The following CDK5RAP3 variants were observed in gnomAD, a reference collection of about 807,000 sequenced individuals.
The protein encoded by CDK5RAP3 is CDK5 regulatory subunit-associated protein 3.
CDK5RAP3 carries 58 observed loss-of-function variants against 73.3 expected under a neutral mutation model. The observed-to-expected ratio is 0.79, with a 90% CI of 0.64 to 0.98. The LOEUF (loss-of-function observed/expected upper bound fraction) is 0.98, where lower values mean the gene tolerates loss of function less well. CDK5RAP3 is among the 50% of genes least tolerant of loss of function. The probability of loss-of-function intolerance (pLI) is 0.00; values close to 1 mark genes in which losing one functional copy is unlikely to be tolerated. For synonymous variants in CDK5RAP3, 224 were observed against 247.5 expected (o/e 0.91, Z 0.89); for missense variants, 525 against 615.8 (o/e 0.85, Z 1.56).
Position 47,980,783 on chromosome 17 carries a change from T to G in CDK5RAP3, c.1268T>G (p.Ile423Ser), listed in dbSNP as rs751914533. ...CTTCAGCTGCAACACCTGTTTATGATCCTGGCCTCACCAAGGTCTGGCTTC... is the reference window on the plus strand; with the variant it reads ...CTTCAGCTGCAACACCTGTTTATGAGCCTGGCCTCACCAAGGTCTGGCTTC... ...TSLQLQHLFM[I>S]LASPRYVDRV... The change falls in exon 12 of 14, where the codon ATC (isoleucine) becomes AGC (serine). Residue 423 changes from isoleucine to serine, a missense_variant. By Grantham distance (142) the Ile-to-Ser change is moderately radical. Around this residue, in one of 2 missense-constraint regions of CDK5RAP3, gnomAD observed 116 missense variants for 186.1 expected, o/e 0.62. Transcript: ENST00000338399. 3 of 1,614,218 alleles carry G rather than the reference T, an allele frequency of 1.9e-6. No individual in the cohort carries two copies. The highest frequency in any genetic ancestry group is 2.5e-6 in the Non-Finnish European group (3 of 1,180,046).
chr17:47,975,808 A>G, intron 7 of CDK5RAP3, 61 bp from the exon 8 acceptor site: 2 of 1,608,962 alleles, frequency 1.2e-6, no homozygotes, highest in Non-Finnish European at 8.5e-7. Flanking sequence ...GGCCCAGGCC[A>G]AAGCCCAGTG....
intron 1 of CDK5RAP3, 82 bp downstream of exon 1, chr17:47,971,234 C>A (rs1255165621): frequency 6.5e-7 from 1 of 1,530,254 alleles, no homozygotes; most frequent in Non-Finnish European, 8.8e-7. Flanking sequence ...GGAAGCGGCT[C>A]AACCCAGCCC....
chr17:47,973,732 C>T, intron 3 of CDK5RAP3, 82 bp downstream of exon 3: 1 of 1,559,862 alleles, frequency 6.4e-7, no homozygotes. Flanking sequence ...TGTTATTTAG[C>T]CACCAGGGCT....
At chr17:47,972,932 T>A (rs2036303673) in intron 2 of CDK5RAP3, among the ~76,000 whole-genome samples, 1 of 152,188 alleles carries the variant, frequency 6.6e-6, no homozygotes, top group Admixed American at 6.5e-5. Context: ...TGAGGAAATA[T>A]GCATGGCTCT....
In CDK5RAP3 at chr17:47,976,694, C is replaced by T. The variant is rs1567725390; in HGVS notation, c.799-18C>T. On this transcript the variant is annotated intron_variant, in intron 8 of 13. Transcript: ENST00000338399. ...TAAATCCATCTTCCATGAGCTAACA[C>T]TCTCTTTCCCTTTCCAGATTGACTG... The T allele has an allele frequency of 1.9e-6, 3 of 1,552,080 alleles. No individual in the cohort carries two copies. The highest frequency in any genetic ancestry group is 2.7e-6 in the Non-Finnish European group (3 of 1,125,638).
rs1567728857 is a variant in CDK5RAP3 at position 47,981,688 on chromosome 17, A to G, written c.*186A>G. 6.5e-7 allele frequency: 1 copy of G among 1,536,034 alleles called. No individual in the cohort carries two copies. The highest frequency in any genetic ancestry group is 2.5e-5 in the East Asian group (1 of 40,814). On this transcript the variant is annotated 3_prime_UTR_variant, in exon 14 of 14. Coordinates refer to ENST00000338399, the MANE Select transcript of CDK5RAP3 (RefSeq NM_176096.3). ...ATGTTCTCTACAAGAAGCTGTGGTG[A>G]TTGGCCCTGTGGTCTATCAGGCGAA...
upstream of CDK5RAP3, among the ~76,000 whole-genome samples, chr17:47,969,834 A>G (rs2144204290): frequency 6.6e-6 from 1 of 152,210 alleles, no homozygotes; most frequent in East Asian, 1.9e-4. Flanking sequence ...GCATTGCCAG[A>G]CTAGGTTCAA....
At chr17:47,975,678 G>A (rs1274078044) in intron 7 of CDK5RAP3, 25 bp downstream of exon 7, 2 of 1,580,388 alleles carry the variant, frequency 1.3e-6, no homozygotes, top group Non-Finnish European at 1.7e-6. Flanking sequence ...GCTTCTCCTG[G>A]TGGGGGTGCT....
In CDK5RAP3 at chr17:47,975,266, G is replaced by A. The variant is rs779758702; in HGVS notation, c.442G>A (p.Glu148Lys). 2 of 1,614,192 alleles carry A rather than the reference G, an allele frequency of 1.2e-6. No individual in the cohort carries two copies. The highest frequency in any genetic ancestry group is 1.7e-6 in the Non-Finnish European group (2 of 1,180,034). The change falls in exon 6 of 14, where the codon GAG becomes AAG. Residue 148 changes from glutamate to lysine, a missense_variant. By Grantham distance (56) the Glu-to-Lys change is moderately conservative (BLOSUM62 1). Coordinates refer to ENST00000338399, the MANE Select transcript of CDK5RAP3 (RefSeq NM_176096.3). ...GCAGCAAGAATACAGCCGCAAGGAG[G>A]AGGAGTGCCAGGCAGGGGCTGCCGA... is the stretch of plus-strand genomic sequence containing the variant. ...QLQQEYSRKE[E>K]ECQAGAAEMR... is the part of the protein sequence containing the mutation.
chr17:47,974,842 GTGTT>G, intron 5 of CDK5RAP3: 2 of 1,296,764 alleles, frequency 1.5e-6, no homozygotes, highest in South Asian at 3.1e-5. Flanking sequence ...AGGACTAACT[GTGTT>G]TGGGTTGGGT....
chr17:47,980,408 A>G (rs141333310), intron 11 of CDK5RAP3, 185 bp from the exon 12 acceptor site: 23 of 631,392 alleles, frequency 3.6e-5, no homozygotes, highest in Middle Eastern at 4.5e-4. Context: ...AGCTGGGACT[A>G]CAGGCATACA....
At chr17:47,979,174 C>A in intron 11 of CDK5RAP3, 1 of 426,662 alleles carries the variant, frequency 2.3e-6, no homozygotes, top group Non-Finnish European at 4.2e-6. Flanking sequence ...CCTCATGGAG[C>A]TTATATTCTA....
At chr17:47,971,249 CTCTGGCCCCGT>C in intron 1 of CDK5RAP3, 97 bp downstream of exon 1, 1 of 1,536,574 alleles carries the variant, frequency 6.5e-7, no homozygotes, top group Non-Finnish European at 8.8e-7. Flanking sequence ...CAGCCCATCG[CTCTGGCCCCGT>C]TCTGGCCCTG....
At position 47,975,405 on chromosome 17, in the gene CDK5RAP3, T is replaced by C. The variant is rs2036378897; in HGVS notation, c.513+68T>C. 16 of 1,605,010 alleles carry C rather than the reference T, an allele frequency of 1.0e-5. No individual in the cohort carries two copies. In the East Asian group the frequency reaches 3.3e-4, roughly 34 times the overall value. Reference sequence around the variant, plus strand: ...CCCTGCTTGTCTTCCTCTGACCCCGTCTGACCCCTCAGCCTGGTTGCACCC... The same window carrying C: ...CCCTGCTTGTCTTCCTCTGACCCCGCCTGACCCCTCAGCCTGGTTGCACCC... On this transcript the variant is annotated intron_variant, in intron 6 of 13. Coordinates refer to ENST00000338399, the MANE Select transcript of CDK5RAP3 (RefSeq NM_176096.3).
In CDK5RAP3 at chr17:47,981,750, TAATAA is replaced by T; in HGVS notation, c.*251_*255del. On this transcript the variant is annotated 3_prime_UTR_variant, in exon 14 of 14. Coordinates refer to ENST00000338399, the MANE Select transcript of CDK5RAP3 (RefSeq NM_176096.3). ...CTCCTTCTAGTTAGTATAGCGGACT[TAATAA>T]AAGAGGAAAAAACTCTTGCTTCAGT... The T allele has an allele frequency of 6.7e-7, 1 of 1,495,768 alleles. No homozygotes were observed. Among genetic ancestry groups the T allele is most frequent in the South Asian group, 1.2e-5 (1 of 82,854 alleles). The allele number at this position is 1,495,768 out of a possible 1,614,324, so 92.7% of individuals were successfully genotyped here.
chr17:47,970,840 G>A (rs1435350242), upstream of CDK5RAP3: 3 of 1,397,780 alleles, frequency 2.1e-6, no homozygotes, highest in Non-Finnish European at 2.9e-6. Flanking sequence ...GCTCTCGAGC[G>A]CCGCCTGTCG....
intron 1 of CDK5RAP3, 34 bp from the exon 2 acceptor site, chr17:47,971,328 C>G: frequency 6.2e-7 from 1 of 1,602,804 alleles, no homozygotes. Flanking sequence ...TCTCTCCGCG[C>G]TCACGCCCCC....
chr17:47,975,365 A>G, intron 6 of CDK5RAP3, 28 bp downstream of exon 6: 1 of 1,610,930 alleles, frequency 6.2e-7, no homozygotes, highest in Non-Finnish European at 8.5e-7. Context: ...CTTCGCAGCC[A>G]GAGGACACCT....
chr17:47,978,245 T>A (rs1184527667), intron 10 of CDK5RAP3, among the ~76,000 whole-genome samples: 1 of 151,900 alleles, frequency 6.6e-6, no homozygotes, highest in African/African-American at 2.4e-5. Context: ...AATTTTATAT[T>A]TTTTTAGTAG....
Sources: gnomAD v4.1 joint callset for allele counts (sites outside exome capture counted in the v4.1 genomes callset) on GRCh38, gnomAD v4.1.1 for gene constraint, gnomAD v4.1.1 regional missense constraint, MANE v1.5 for transcripts, NCBI Gene and HGNC (gene_info 2026-07-23, HGNC 2026-07-21) for gene names.